Variants in ABCG8 observed in about 807,000 individuals in gnomAD.
ABCG8 encodes ATP binding cassette subfamily G member 8, also known as ATP-binding cassette sub-family G member 8.
Under a neutral mutation model 71.3 loss-of-function variants are expected in ABCG8, and 81 were observed. The ratio of observed to expected loss-of-function variants is 1.14; its 90% CI spans 0.95 to 1.37. The LOEUF (loss-of-function observed/expected upper bound fraction) is 1.37, where lower values mean the gene tolerates loss of function less well. ABCG8 is among the 40% of genes most tolerant of loss of function. The pLI, the probability that ABCG8 is intolerant of heterozygous loss-of-function variation, is 0.00. For synonymous variants in ABCG8, 451 were observed against 354.7 expected (o/e 1.27, Z -3.05); for missense variants, 1,119 against 866.2 (o/e 1.29, Z -3.66).
In ABCG8 at chr2:43,852,362, C is replaced by A; in HGVS notation, c.570C>A (p.Asp190Glu). Reference protein sequence around the residue: ...SQAQRDKRVEDVIAELRLRQC... With the variant: ...SQAQRDKRVEEVIAELRLRQC... ...CTCCTTCTGGCCCACAGGTGGAGGACGTGATCGCGGAGCTGCGGCTTAGGC... is the reference window on the plus strand; with the variant it reads ...CTCCTTCTGGCCCACAGGTGGAGGAAGTGATCGCGGAGCTGCGGCTTAGGC... Residue 190 changes from aspartate (D) to glutamate (E), a missense_variant, in exon 5 of 13, where the codon GAC (aspartate) becomes GAA (glutamate). Transcript: ENST00000272286. 1 of 1,612,204 alleles carries A rather than the reference C, an allele frequency of 6.2e-7. No individual in the cohort carries two copies. Among genetic ancestry groups the A allele is most frequent in the Non-Finnish European group, 8.5e-7 (1 of 1,180,010 alleles).
At chr2:43,864,801 T>C (rs1669462942) in intron 6 of ABCG8, among the ~76,000 whole-genome samples, 1 of 148,726 alleles carries the variant, frequency 6.7e-6, no homozygotes, top group Non-Finnish European at 1.5e-5. Context: ...ACTCTCTGTA[T>C]AAAACTCTCA....
Position 43,880,031 on chromosome 2 carries a change from T to C in ABCG8, c.*2118T>C, listed in dbSNP as rs1670086567. ...TTCCCATTGTATCCTTACAACCCTT[T>C]ATTATTGTGATTAATTCTGATGCTC... On this transcript the variant is annotated 3_prime_UTR_variant, in exon 13 of 13. Transcript: ENST00000272286. 6.6e-6 allele frequency: 1 copy of C among 152,182 alleles called. No homozygotes were observed. 9.4% of individuals were successfully genotyped at this position (152,182 alleles called of 1,614,324 possible). A position where few individuals can be genotyped will look rare whatever the true frequency, so the allele number is the denominator to read the frequency against.
At chr2:43,860,183 A>G (rs1170383924) in intron 6 of ABCG8, among the ~76,000 whole-genome samples, 1 of 150,928 alleles carries the variant, frequency 6.6e-6, no homozygotes, top group Non-Finnish European at 1.5e-5. Flanking sequence ...AACTCTCACT[A>G]TCTGTCTGGA....
intron 6 of ABCG8, among the ~76,000 whole-genome samples, chr2:43,867,899 A>C (rs1481362745): frequency 6.6e-6 from 1 of 151,836 alleles, no homozygotes; most frequent in Non-Finnish European, 1.5e-5. Context: ...ATCTCTCTGG[A>C]TAGAATTCTG....
chr2:43,857,637 C>A (rs893536013), intron 6 of ABCG8, among the ~76,000 whole-genome samples: 3 of 151,590 alleles, frequency 2.0e-5, no homozygotes, highest in Non-Finnish European at 4.4e-5. Context: ...CTAGATAGAA[C>A]TCTCAATAAA....
intron 10 of ABCG8, among the ~76,000 whole-genome samples, 169 bp downstream of exon 10, chr2:43,874,652 A>C (rs1211600211): frequency 6.6e-6 from 1 of 152,158 alleles, no homozygotes; most frequent in Non-Finnish European, 1.5e-5. Flanking sequence ...AGAGACTTGA[A>C]CTTTTATTTT....
At chr2:43,870,880 A>G (rs1669741428) in intron 6 of ABCG8, among the ~76,000 whole-genome samples, 1 of 151,004 alleles carries the variant, frequency 6.6e-6, no homozygotes, top group Non-Finnish European at 1.5e-5. Context: ...GTCTCATTAG[A>G]TCTCTCACTG....
chr2:43,876,335 G>A (rs150328114), intron 11 of ABCG8, among the ~76,000 whole-genome samples: 1 of 152,220 alleles, frequency 6.6e-6, no homozygotes, highest in East Asian at 1.9e-4. Context: ...TTGGGCCAGA[G>A]CCACCATGGC....
chr2:43,852,222 C>G, intron 4 of ABCG8, 132 bp from the exon 5 acceptor site: 1 of 1,281,884 alleles, frequency 7.8e-7, no homozygotes, highest in Non-Finnish European at 1.1e-6. Flanking sequence ...GCTTGGAACT[C>G]AAGTGCTGGA....
intron 8 of ABCG8, among the ~76,000 whole-genome samples, chr2:43,873,189 AT>A (rs71393209): frequency 0.076 from 10,599 of 140,140 alleles, 376 homozygotes; most frequent in African/African-American, 0.097. Context: ...TTGAGCGTAC[AT>A]TTTTTTTTTT....
chr2:43,875,152 G>C lies in ABCG8; in HGVS notation c.1495G>C (p.Gly499Arg), dbSNP rs368551459. Residue 499 changes from glycine to arginine, a missense_variant, in exon 11 of 13, where the codon GGG becomes CGG. Gly to Arg is a moderately radical substitution (Grantham distance 125). Coordinates refer to ENST00000272286, the MANE Select transcript of ABCG8 (RefSeq NM_022437.3). ...TGPYFFAKIL[G>R]ELPEHCAYII... ...CAAGGGCTGTTCTTTGCAGATCCTC[G>C]GGGAGCTTCCGGAGCACTGTGCCTA... is the stretch of plus-strand genomic sequence containing the variant. 6.2e-7 allele frequency: 1 copy of C among 1,614,072 alleles called. No homozygotes were observed. The highest frequency in any genetic ancestry group is 1.3e-5 in the African/African-American group (1 of 74,930).
intron 3 of ABCG8, among the ~76,000 whole-genome samples, chr2:43,850,367 A>T (rs2104917419): frequency 6.6e-6 from 1 of 152,324 alleles, no homozygotes; most frequent in Non-Finnish European, 1.5e-5. Flanking sequence ...TGGAAACTGG[A>T]TCCAATCTGA....
intron 6 of ABCG8, among the ~76,000 whole-genome samples, chr2:43,861,214 C>A (rs1161284956): frequency 6.6e-6 from 1 of 151,252 alleles, no homozygotes; most frequent in Admixed American, 6.6e-5. Flanking sequence ...GGATAGAATT[C>A]TTACTCTCTG....
rs867018401 is a variant in ABCG8, at chr2:43,840,563, G to T, written c.63+1447G>T. Among the ~76,000 whole-genome samples the T allele has an allele frequency of 2.4e-4, 37 of 152,250 alleles. 1 individual carries two copies. The Middle Eastern group carries it at 0.024, about 98-fold the overall frequency. On this transcript the variant is annotated intron_variant, in intron 1 of 12. Transcript: ENST00000272286. ...GTGGGTCTTGGAACAAGAGGATGAGGGTCACATTTCCTATGTCTAGATATA... is the reference window on the plus strand; with the variant it reads ...GTGGGTCTTGGAACAAGAGGATGAGTGTCACATTTCCTATGTCTAGATATA...
intron 3 of ABCG8, chr2:43,847,503 C>G (rs10182584): frequency 0.44 from 66,099 of 151,614 alleles, 15,090 homozygotes; most frequent in East Asian, 0.86. Context: ...GTCAGGAGAT[C>G]GAGACCGTCC....
intron 6 of ABCG8, among the ~76,000 whole-genome samples, chr2:43,853,791 A>C (rs959424810): frequency 2.0e-5 from 3 of 152,208 alleles, no homozygotes; most frequent in African/African-American, 7.2e-5. Flanking sequence ...TAAGGCACAG[A>C]ACTGGGACTG....
At position 43,880,332 on chromosome 2, in the gene ABCG8, C is replaced by G. The variant is rs1003324694; in HGVS notation, c.*2419C>G. 6.6e-6 allele frequency: 1 copy of G among 151,642 alleles called. No individual in the cohort carries two copies. Among genetic ancestry groups the G allele is most frequent in the East Asian group, 1.9e-4 (1 of 5,182 alleles). 9.4% of individuals were successfully genotyped at this position (151,642 alleles called of 1,614,324 possible). A position where few individuals can be genotyped will look rare whatever the true frequency, so the allele number is the denominator to read the frequency against. On this transcript the variant is annotated 3_prime_UTR_variant, in exon 13 of 13. Coordinates refer to ENST00000272286, the MANE Select transcript of ABCG8 (RefSeq NM_022437.3). Reference sequence around the variant, plus strand: ...GGGATTAACAGTGCCCACCACCACACCTGGCTAATTTTTGTATTTTTAGTA... The same window carrying G: ...GGGATTAACAGTGCCCACCACCACAGCTGGCTAATTTTTGTATTTTTAGTA...
chr2:43,851,472 A>T (rs1202141058), intron 3 of ABCG8, 112 bp from the exon 4 acceptor site: 2 of 1,241,786 alleles, frequency 1.6e-6, no homozygotes, highest in Non-Finnish European at 2.4e-6. Flanking sequence ...GGCTGGTCAC[A>T]TCTGCACGGA....
intron 6 of ABCG8, among the ~76,000 whole-genome samples, chr2:43,866,799 G>T (rs866900921): frequency 6.6e-6 from 1 of 150,788 alleles, no homozygotes; most frequent in African/African-American, 2.5e-5. Flanking sequence ...GATTCCTCAG[G>T]GATCTAGAAC....
Sources: allele counts gnomAD v4.1 joint callset (sites outside exome capture counted in the v4.1 genomes callset), GRCh38; gene constraint gnomAD v4.1.1; transcripts MANE v1.5; gene names NCBI Gene and HGNC (gene_info 2026-07-23, HGNC 2026-07-21).